PIP5K1C: variants seen among roughly 807,000 people sequenced by gnomAD.
The protein encoded by PIP5K1C is phosphatidylinositol 4-phosphate 5-kinase type-1 gamma.
PIP5K1C carries 45 observed loss-of-function variants against 80.1 expected under a neutral mutation model. The observed-to-expected ratio is 0.56, with a 90% CI of 0.44 to 0.72. The LOEUF is 0.72. Ranked by LOEUF, PIP5K1C falls within the 30% of genes least tolerant of loss-of-function variation. The pLI is 0.00. For synonymous variants in PIP5K1C, 498 were observed against 420.1 expected (o/e 1.19, Z -2.27); for missense variants, 753 against 954.6 (o/e 0.79, Z 2.78).
chr19:3,677,836 G>A (rs1431859864), intron 1 of PIP5K1C, among the ~76,000 whole-genome samples: 1 of 48,034 alleles, frequency 2.1e-5, no homozygotes, highest in East Asian at 8.7e-4. Flanking sequence ...GAGGGAGGGA[G>A]GGATGGAGGG....
At chr19:3,684,395 A>C (rs1163947081) in intron 1 of PIP5K1C, among the ~76,000 whole-genome samples, 4 of 152,182 alleles carry the variant, frequency 2.6e-5, no homozygotes, top group Admixed American at 2.6e-4. Context: ...TCCCCTTGAA[A>C]GTGGGCGGGT....
intron 1 of PIP5K1C, among the ~76,000 whole-genome samples, chr19:3,695,256 T>C (rs1200851944): frequency 6.6e-6 from 1 of 152,092 alleles, no homozygotes; most frequent in Non-Finnish European, 1.5e-5. Flanking sequence ...ACTCACACTT[T>C]CACGAGCCGA....
Position 3,653,492 on chromosome 19 carries a change from T to C in PIP5K1C, c.719A>G (p.Asn240Ser). The change falls in exon 7 of 18, where the codon AAC (asparagine) becomes AGC (serine). Residue 240 changes from asparagine (N) to serine (S), a missense_variant. Asn to Ser is a conservative substitution (Grantham distance 46). Around this residue, in one of 6 missense-constraint regions of PIP5K1C, gnomAD observed 139 missense variants for 289.7 expected, o/e 0.48. Coordinates refer to ENST00000335312, the MANE Select transcript of PIP5K1C (RefSeq NM_012398.3). ...CATCTTGACCACGCGGGGCAGGATGTTGTTCATGACCACGACGCGGATGTT... is the reference window on the plus strand; with the variant it reads ...CATCTTGACCACGCGGGGCAGGATGCTGTTCATGACCACGACGCGGATGTT... ...GKNIRVVVMN[N>S]ILPRVVKMHL... The C allele has an allele frequency of 6.2e-7, 1 of 1,613,820 alleles. No homozygotes were observed. Among genetic ancestry groups the C allele is most frequent in the Non-Finnish European group, 8.5e-7 (1 of 1,180,008 alleles).
chr19:3,661,332 G>A (rs1462306155), intron 4 of PIP5K1C, among the ~76,000 whole-genome samples: 2 of 152,236 alleles, frequency 1.3e-5, no homozygotes, highest in African/African-American at 4.8e-5. Flanking sequence ...GCCAAGAACA[G>A]GACCATGCCG....
chr19:3,700,249 G>A, intron 1 of PIP5K1C, 48 bp downstream of exon 1: 2 of 1,062,268 alleles, frequency 1.9e-6, no homozygotes, highest in Non-Finnish European at 1.2e-6. Context: ...GACTCTCGGC[G>A]CTCGGACGAG....
intron 3 of PIP5K1C, 147 bp from the exon 4 acceptor site, chr19:3,662,148 C>G (rs1381589001): frequency 4.0e-6 from 4 of 996,072 alleles, no homozygotes; most frequent in Non-Finnish European, 5.9e-6. Context: ...CCGGGGCTGC[C>G]TGTCCTGCGG....
At position 3,664,828 on chromosome 19, in the gene PIP5K1C, G is replaced by A; in HGVS notation, c.213C>T (p.Tyr71=). Residue 71 remains tyrosine, a synonymous_variant, in exon 3 of 18, where the codon TAC becomes TAT. Transcript: ENST00000335312. ...CTAAGGGGAGCCGAGGAACCTTCTT[G>A]TAGGTGGTTTCGCCGGATGCGTCCA... ...RGVDASGETT[Y]KKTTSSTLKG... The A allele has an allele frequency of 6.2e-7, 1 of 1,612,606 alleles. No individual in the cohort carries two copies. Among genetic ancestry groups the A allele is most frequent in the Non-Finnish European group, 8.5e-7 (1 of 1,179,400 alleles).
chr19:3,658,205 A>G (rs539260031), intron 5 of PIP5K1C, among the ~76,000 whole-genome samples: 1 of 152,362 alleles, frequency 6.6e-6, no homozygotes, highest in East Asian at 1.9e-4. Flanking sequence ...ACGTCGGTCA[A>G]CACAGGCTGG....
chr19:3,647,263 A>C, intron 10 of PIP5K1C, 75 bp downstream of exon 10: 1 of 1,282,552 alleles, frequency 7.8e-7, no homozygotes. Context: ...GGGAGGAGGG[A>C]TGGGAGGAGG....
At chr19:3,687,623 G>A (rs931533646) in intron 1 of PIP5K1C, among the ~76,000 whole-genome samples, 8 of 151,254 alleles carry the variant, frequency 5.3e-5, no homozygotes, top group Admixed American at 4.0e-4. Context: ...ACACGCACAG[G>A]CCCTCAGAGG....
In PIP5K1C at chr19:3,683,431, C is replaced by T. The variant is rs147278410; in HGVS notation, c.95-16078G>A. ...CTGAGCCACCCTGGAACAGCTGGAG[C>T]GCAGGCAGGAGCTGGCCAGAGACGA... On this transcript the variant is annotated intron_variant, in intron 1 of 17. Transcript: ENST00000335312. Among the ~76,000 whole-genome samples, 265 of 152,312 alleles carry T rather than the reference C, an allele frequency of 1.7e-3. 1 individual carries two copies. Among genetic ancestry groups the T allele is most frequent in the African/African-American group, 6.2e-3 (258 of 41,554 alleles).
chr19:3,647,411 C>T, intron 9 of PIP5K1C, 25 bp from the exon 10 acceptor site: 1 of 1,565,088 alleles, frequency 6.4e-7, no homozygotes, highest in East Asian at 2.4e-5. Flanking sequence ...CCCGGAGTGG[C>T]AGCTGACATC....
intron 1 of PIP5K1C, 85 bp from the exon 2 acceptor site, chr19:3,667,438 G>GCC: frequency 6.7e-7 from 1 of 1,501,466 alleles, no homozygotes; most frequent in Admixed American, 1.7e-5. Context: ...ACCTTCTGGC[G>GCC]CCCCAGGCCT....
intron 16 of PIP5K1C, among the ~76,000 whole-genome samples, chr19:3,634,614 C>T (rs1342502840): frequency 3.3e-5 from 5 of 152,222 alleles, no homozygotes; most frequent in African/African-American, 1.2e-4. Context: ...ATGACGCTGC[C>T]CACCTGCTGC....
At chr19:3,642,846 A>C in intron 14 of PIP5K1C, 61 bp downstream of exon 14, 1 of 1,385,922 alleles carries the variant, frequency 7.2e-7, no homozygotes, top group South Asian at 1.2e-5. Context: ...CGGGAAACGG[A>C]GCTGGGAGCT....
Position 3,648,717 on chromosome 19 carries a change from A to G in PIP5K1C, c.1128-9T>C, listed in dbSNP as rs1568322481. ...CGGGGATCCCGCCCATCCTGGGGAG[A>G]GAGGCCGAGGGTACCATCAGCATCC... is the stretch of plus-strand genomic sequence containing the variant. On this transcript the variant is annotated splice_polypyrimidine_tract_variant and intron_variant, in intron 8 of 17. Transcript: ENST00000335312. This position sits in a 1 kb window ranked among gnomAD's most constrained non-coding sequence, Gnocchi z 4.3. The G allele has an allele frequency of 1.2e-6, 2 of 1,611,918 alleles. No individual in the cohort carries two copies. The highest frequency in any genetic ancestry group is 1.7e-6 in the Non-Finnish European group (2 of 1,178,976).
intron 7 of PIP5K1C, among the ~76,000 whole-genome samples, chr19:3,652,838 C>T (rs1453315100): frequency 3.9e-5 from 6 of 152,084 alleles, no homozygotes; most frequent in South Asian, 2.1e-4. Context: ...CTTGTGACCA[C>T]AGCATCTGAA....
intron 12 of PIP5K1C, 82 bp from the exon 13 acceptor site, chr19:3,643,463 C>G (rs2034069173): frequency 6.4e-7 from 1 of 1,560,670 alleles, no homozygotes; most frequent in African/African-American, 1.4e-5. Context: ...GCTTGGCTCA[C>G]CCTGGGAACC....
At chr19:3,638,080 C>T in intron 16 of PIP5K1C, 1 of 1,437,528 alleles carries the variant, frequency 7.0e-7, no homozygotes, top group Non-Finnish European at 9.1e-7. Context: ...AGGCCTGGTG[C>T]CCGTGCCCAG....
Sources: allele counts gnomAD v4.1 joint callset (sites outside exome capture counted in the v4.1 genomes callset), GRCh38; gene constraint gnomAD v4.1.1; regional missense constraint gnomAD v4.1.1; non-coding constraint Gnocchi (gnomAD v3.1); transcripts MANE v1.5; gene names NCBI Gene and HGNC (gene_info 2026-07-23, HGNC 2026-07-21).